The following GEMIN7 variants were observed in gnomAD, a reference collection of about 807,000 sequenced individuals.
GEMIN7 encodes the protein gem nuclear organelle associated protein 7.
In GEMIN7, 7 loss-of-function variants were observed where a neutral mutation model predicts 7.8. The observed-to-expected ratio is 0.90, with a 90% CI of 0.51 to 1.69. GEMIN7 has a LOEUF of 1.69. Ranked by LOEUF, GEMIN7 falls within the 40% of genes most tolerant of loss-of-function variation. GEMIN7 has a pLI of 0.00. For missense variants in GEMIN7, 159 were observed against 176.2 expected (o/e 0.90, Z 0.55); for synonymous variants, 68 against 72.4 (o/e 0.94, Z 0.31).
In GEMIN7 at chr19:45,080,326, A is replaced by G. The variant is rs10420057; in HGVS notation, c.-9+297A>G. On this transcript the variant is annotated intron_variant, in intron 2 of 2. Coordinates refer to ENST00000270257, the MANE Select transcript of GEMIN7 (RefSeq NM_024707.3). ...TCTACATGGGGCACGGGTGAGGACC[A>G]GAGTTTGCTCCCTCTTCCTCCACCC... Among the ~76,000 whole-genome samples, 4 of 151,538 alleles carry G rather than the reference A, an allele frequency of 2.6e-5. 1 individual carries two copies. Among genetic ancestry groups the G allele is most frequent in the African/African-American group, 9.7e-5 (4 of 41,090 alleles).
upstream of GEMIN7, among the ~76,000 whole-genome samples, chr19:45,078,695 G>C (rs76316199): frequency 0.02 from 3,106 of 152,240 alleles, 53 homozygotes; most frequent in Non-Finnish European, 0.029. Flanking sequence ...GGATCCCTGC[G>C]TAAAGAGGAC....
chr19:45,090,289 C>CGAA lies in GEMIN7; in HGVS notation c.177_178insAGA (p.Arg59dup). ...CCTGGAATCCCAGGAGCAGCGGGCA[C>CGAA]GAGCCGCCCTTCGGGAGCGTTACCT... is the stretch of plus-strand genomic sequence containing the variant. On this transcript the variant is annotated inframe_insertion, in exon 3 of 3. Transcript: ENST00000270257. 6.2e-7 allele frequency: 1 copy of CGAA among 1,614,150 alleles called. No homozygotes were observed. The highest frequency in any genetic ancestry group is 8.5e-7 in the Non-Finnish European group (1 of 1,180,032).
In GEMIN7 at chr19:45,090,972, T is replaced by C. The variant is rs1967876997; in HGVS notation, c.*462T>C. On this transcript the variant is annotated 3_prime_UTR_variant, in exon 3 of 3. Coordinates refer to ENST00000270257, the MANE Select transcript of GEMIN7 (RefSeq NM_024707.3). ...ATACCGACGGGGATGGAGTCATCTT[T>C]AGGGGCTGGTAGGGTGGTTATCCAA... is the stretch of plus-strand genomic sequence containing the variant. 1 of 175,822 alleles carries C rather than the reference T, an allele frequency of 5.7e-6. No homozygotes were observed. Among genetic ancestry groups the C allele is most frequent in the Admixed American group, 5.8e-5 (1 of 17,314 alleles). 10.9% of individuals were successfully genotyped at this position (175,822 alleles called of 1,614,324 possible).
chr19:45,090,488 T>C lies in GEMIN7; in HGVS notation c.374T>C (p.Ile125Thr). 1 of 1,610,304 alleles carries C rather than the reference T, an allele frequency of 6.2e-7. No individual in the cohort carries two copies. Among genetic ancestry groups the C allele is most frequent in the Non-Finnish European group, 8.5e-7 (1 of 1,177,264 alleles). Residue 125 changes from isoleucine to threonine, a missense_variant, in exon 3 of 3, where the codon ATT becomes ACT. Transcript: ENST00000270257. ...AEALLRCSDI[I>T]SYTFKP ...GCGCTGCTCCGATGTAGTGACATTA[T>C]TTCATATACCTTCAAGCCATAAAGA... is the stretch of plus-strand genomic sequence containing the variant.
Position 45,090,758 on chromosome 19 carries a change from TG to T in GEMIN7, c.*251del, listed in dbSNP as rs1226619670. The T allele has an allele frequency of 3.0e-5, 14 of 472,272 alleles. No individual in the cohort carries two copies. The highest frequency in any genetic ancestry group is 5.5e-5 in the Non-Finnish European group (14 of 254,498). The allele number at this position is 472,272 out of a possible 1,614,324, so 29.3% of individuals were successfully genotyped here. ...CAGAACTCTGAACCCTACAGAAATATGGGCCTGCTGCCATTTCCTGAAGACC... is the reference window on the plus strand; with the variant it reads ...CAGAACTCTGAACCCTACAGAAATATGGCCTGCTGCCATTTCCTGAAGACC... On this transcript the variant is annotated 3_prime_UTR_variant, in exon 3 of 3. Transcript: ENST00000270257.
At chr19:45,078,515 G>A (rs886342804), upstream of GEMIN7, among the ~76,000 whole-genome samples, 3 of 152,196 alleles carry the variant, frequency 2.0e-5, no homozygotes, top group Non-Finnish European at 4.4e-5. Context: ...CAGGATGGGA[G>A]TCTGTCTTGT....
chr19:45,076,440 CG>C, upstream of GEMIN7: 1 of 1,146,806 alleles, frequency 8.7e-7, no homozygotes, highest in Non-Finnish European at 1.1e-6. The surrounding 1 kb of genome is among the most constrained non-coding windows in gnomAD (Gnocchi z 4.9). Context: ...GACGCACGAG[CG>C]GAGGACGCGC....
chr19:45,085,171 C>G (rs1392732224), intron 2 of GEMIN7, among the ~76,000 whole-genome samples: 1 of 152,226 alleles, frequency 6.6e-6, no homozygotes, highest in Non-Finnish European at 1.5e-5. Flanking sequence ...CCGCCTGCCT[C>G]GGCCTCCCAA....
chr19:45,076,703 G>T (rs1402427183), upstream of GEMIN7: 1 of 245,344 alleles, frequency 4.1e-6, no homozygotes, highest in African/African-American at 2.3e-5. This position sits in a 1 kb window ranked among gnomAD's most constrained non-coding sequence, Gnocchi z 4.9. Flanking sequence ...TAGGGCGGGT[G>T]AAACTGAGAC....
upstream of GEMIN7, among the ~76,000 whole-genome samples, chr19:45,077,039 G>A (rs1967368944): frequency 6.6e-6 from 1 of 152,142 alleles, no homozygotes; most frequent in Admixed American, 6.5e-5. Context: ...GAGGGTTACT[G>A]GGGTTGAGGG....
chr19:45,077,249 G>A (rs1451650010), upstream of GEMIN7, among the ~76,000 whole-genome samples: 1 of 152,186 alleles, frequency 6.6e-6, no homozygotes, highest in East Asian at 1.9e-4. Context: ...GTTTTCCTGA[G>A]ACCGGAGCCT....
At chr19:45,086,132 G>T (rs1015635194) in intron 2 of GEMIN7, among the ~76,000 whole-genome samples, 1 of 151,602 alleles carries the variant, frequency 6.6e-6, no homozygotes. Context: ...CTCCCAAAGT[G>T]CTGGTATTAC....
At position 45,090,611 on chromosome 19, in the gene GEMIN7, C is replaced by T; in HGVS notation, c.*101C>T. 8.2e-7 allele frequency: 1 copy of T among 1,226,160 alleles called. No individual in the cohort carries two copies. The highest frequency in any genetic ancestry group is 1.5e-5 in the South Asian group (1 of 68,382). The allele number at this position is 1,226,160 out of a possible 1,614,324, so 76.0% of individuals were successfully genotyped here. ...TCTGGGCCCCATGGAGTTATGAGCT[C>T]CCTTGGAATTTTGAGCCAAGCTTTA... On this transcript the variant is annotated 3_prime_UTR_variant, in exon 3 of 3. Coordinates refer to ENST00000270257, the MANE Select transcript of GEMIN7 (RefSeq NM_024707.3).
upstream of GEMIN7, chr19:45,076,032 G>T (rs1223743327): frequency 6.4e-7 from 1 of 1,571,430 alleles, no homozygotes; most frequent in South Asian, 1.2e-5. This position sits in a 1 kb window ranked among gnomAD's most constrained non-coding sequence, Gnocchi z 4.9. Flanking sequence ...CCCACCCGAG[G>T]GTCAAAGGTA....
intron 1 of GEMIN7, 83 bp from the exon 2 acceptor site, chr19:45,079,824 T>C (rs1967439198): frequency 6.6e-6 from 1 of 152,210 alleles, no homozygotes; most frequent in Non-Finnish European, 1.5e-5. Flanking sequence ...ATTTAGCTAA[T>C]TTGCATCAAG....
At position 45,090,390 on chromosome 19, in the gene GEMIN7, T is replaced by C; in HGVS notation, c.276T>C (p.Phe92=). Reference sequence around the variant, plus strand: ...AGGGTGTGCGTGTGGCCGCCCACTTTGGAGCCACCGACCTGGATGTGGCCA... The same window carrying C: ...AGGGTGTGCGTGTGGCCGCCCACTTCGGAGCCACCGACCTGGATGTGGCCA... ...LHEGVRVAAH[F]GATDLDVANF... is the part of the protein sequence containing the mutation. Residue 92 remains phenylalanine (F), a synonymous_variant, in exon 3 of 3, where the codon TTT becomes TTC. Transcript: ENST00000270257. 1.9e-6 allele frequency: 3 copies of C among 1,614,168 alleles called. No individual in the cohort carries two copies. Among genetic ancestry groups the C allele is most frequent in the Non-Finnish European group, 2.5e-6 (3 of 1,180,038 alleles).
At chr19:45,080,637 C>T (rs1049663558) in intron 2 of GEMIN7, among the ~76,000 whole-genome samples, 1 of 152,112 alleles carries the variant, frequency 6.6e-6, no homozygotes, top group Non-Finnish European at 1.5e-5. Flanking sequence ...CCTCAGTCTC[C>T]CAAAGTGCTG....
intron 2 of GEMIN7, among the ~76,000 whole-genome samples, chr19:45,089,142 A>G (rs1174676562): frequency 1.3e-5 from 2 of 151,980 alleles, no homozygotes; most frequent in East Asian, 1.9e-4. Context: ...GGGTTTCGCC[A>G]TGTTGACCAG....
chr19:45,082,193 C>T (rs554841923), intron 2 of GEMIN7, among the ~76,000 whole-genome samples: 13 of 152,116 alleles, frequency 8.5e-5, no homozygotes, highest in Admixed American at 3.3e-4. Flanking sequence ...CCACAAGGCA[C>T]TCTCTCTGTC....
Sources: allele counts gnomAD v4.1 joint callset (sites outside exome capture counted in the v4.1 genomes callset), GRCh38; gene constraint gnomAD v4.1.1; non-coding constraint Gnocchi (gnomAD v3.1); transcripts MANE v1.5; gene names NCBI Gene and HGNC (gene_info 2026-07-23, HGNC 2026-07-21).